The following PPP1R12A variants were observed in gnomAD, a reference collection of about 807,000 sequenced individuals.
The protein encoded by PPP1R12A is protein phosphatase 1 regulatory subunit 12A, also known as myosin binding subunit.
In PPP1R12A, 19 loss-of-function variants were observed where a neutral mutation model predicts 139.6. The ratio of observed to expected loss-of-function variants is 0.14; its 90% confidence interval spans 0.09 to 0.20. PPP1R12A has a LOEUF of 0.20. Ranked by LOEUF, PPP1R12A falls within the 10% of genes least tolerant of loss-of-function variation. The pLI, the probability that PPP1R12A is intolerant of heterozygous loss-of-function variation, is 1.00. For missense variants in PPP1R12A, 925 were observed against 1,211.5 expected (o/e 0.76, Z 3.51); for synonymous variants, 427 against 420.6 (o/e 1.02, Z -0.19).
chr12:79,933,330 T>G (rs1215834968), intron 1 of PPP1R12A, among the ~76,000 whole-genome samples: 12 of 152,294 alleles, frequency 7.9e-5, no homozygotes, highest in Non-Finnish European at 1.6e-4. Context: ...ACACAAAATT[T>G]AAAATGGTCA....
intron 14 of PPP1R12A, among the ~76,000 whole-genome samples, chr12:79,799,967 C>G (rs1357022992): frequency 6.6e-6 from 1 of 152,018 alleles, no homozygotes; most frequent in Non-Finnish European, 1.5e-5. Context: ...GAGATTGTAC[C>G]ACCCCGCAGC....
At chr12:79,934,228 G>A (rs959814172) in intron 1 of PPP1R12A, among the ~76,000 whole-genome samples, 1 of 152,158 alleles carries the variant, frequency 6.6e-6, no homozygotes, top group South Asian at 2.1e-4. Context: ...CCTAAAAAGT[G>A]CAACAAATCC....
chr12:79,776,042 GT>G, intron 24 of PPP1R12A, 27 bp from the exon 25 acceptor site: 2 of 1,316,818 alleles, frequency 1.5e-6, no homozygotes, highest in Non-Finnish European at 2.1e-6. Flanking sequence ...TGAAGATCAA[GT>G]TTTACCTTCA....
chr12:79,875,003 G>C (rs907004364), intron 1 of PPP1R12A, among the ~76,000 whole-genome samples: 3 of 152,046 alleles, frequency 2.0e-5, no homozygotes, highest in Admixed American at 1.3e-4. Flanking sequence ...CTTCAGGAAG[G>C]CCCTCCTAGT....
In PPP1R12A at chr12:79,828,433, T is replaced by C; in HGVS notation, c.679A>G (p.Ile227Val). ...LLIQAGYDVN[I>V]KDYDGWTPLH... ...GGTGTCCAGCCATCATAGTCTTTAA[T>C]ATTAACATCATAGCCTGCCTGTATT... Residue 227 changes from isoleucine (I) to valine (V), a missense_variant, in exon 5 of 25, where the codon ATT (isoleucine) becomes GTT (valine). By Grantham distance (29) the Ile-to-Val change is conservative. Around this residue, in one of 4 missense-constraint regions of PPP1R12A, gnomAD observed 199 missense variants for 352.4 expected, o/e 0.56. Transcript: ENST00000450142. 1 of 1,609,236 alleles carries C rather than the reference T, an allele frequency of 6.2e-7. No individual in the cohort carries two copies. Among genetic ancestry groups the C allele is most frequent in the Non-Finnish European group, 8.5e-7 (1 of 1,176,478 alleles).
At chr12:79,847,464 G>A (rs910982960) in intron 2 of PPP1R12A, among the ~76,000 whole-genome samples, 1 of 152,074 alleles carries the variant, frequency 6.6e-6, no homozygotes, top group African/African-American at 2.4e-5. Context: ...AAAATATTTA[G>A]ATATATTTAC....
intron 14 of PPP1R12A, among the ~76,000 whole-genome samples, chr12:79,803,836 C>T (rs1029299446): frequency 2.6e-5 from 4 of 152,040 alleles, no homozygotes; most frequent in Non-Finnish European, 5.9e-5. Context: ...TTTCAATCTT[C>T]AATGTCTTCC....
chr12:79,870,243 C>T (rs981147310), intron 2 of PPP1R12A, among the ~76,000 whole-genome samples: 2 of 152,094 alleles, frequency 1.3e-5, no homozygotes, highest in African/African-American at 4.8e-5. Flanking sequence ...CTGCCTTAGC[C>T]TCCAGAGTAG....
chr12:79,860,928 T>G (rs1351604894), intron 2 of PPP1R12A, among the ~76,000 whole-genome samples: 1 of 152,164 alleles, frequency 6.6e-6, no homozygotes, highest in Non-Finnish European at 1.5e-5. Context: ...TGAAGCAAAT[T>G]AGTAATTACG....
intron 1 of PPP1R12A, among the ~76,000 whole-genome samples, chr12:79,925,839 T>G (rs939479104): frequency 6.6e-6 from 1 of 152,176 alleles, no homozygotes; most frequent in Admixed American, 6.5e-5. Context: ...AAAAATGTTA[T>G]TTGGAAAAAA....
chr12:79,885,021 GAACA>G (rs1000343685), intron 1 of PPP1R12A, among the ~76,000 whole-genome samples: 1 of 152,028 alleles, frequency 6.6e-6, no homozygotes, highest in Admixed American at 6.6e-5. Flanking sequence ...TCCTAAAATA[GAACA>G]AGTATGTTTA....
At chr12:79,791,844 G>T (rs1871911972) in intron 19 of PPP1R12A, among the ~76,000 whole-genome samples, 1 of 152,052 alleles carries the variant, frequency 6.6e-6, no homozygotes, top group Non-Finnish European at 1.5e-5. Flanking sequence ...GGCAACAAAG[G>T]TTCTACTTTC....
At chr12:79,921,920 T>C in intron 1 of PPP1R12A, among the ~76,000 whole-genome samples, 1 of 152,184 alleles carries the variant, frequency 6.6e-6, no homozygotes, top group South Asian at 2.1e-4. Context: ...AATTTTATTC[T>C]CACAAACACA....
At chr12:79,806,677 G>A (rs894983759) in intron 12 of PPP1R12A, 7 of 190,432 alleles carry the variant, frequency 3.7e-5, no homozygotes, top group East Asian at 1.4e-4. Flanking sequence ...AAAACAAGAC[G>A]TTGACATTTT....
At chr12:79,878,231 C>A (rs1330968332) in intron 1 of PPP1R12A, 1 of 151,630 alleles carries the variant, frequency 6.6e-6, no homozygotes, top group Non-Finnish European at 1.5e-5. Flanking sequence ...AACAGGCTAC[C>A]ATTTGAGACT....
chr12:79,901,974 A>G (rs1189386388), intron 1 of PPP1R12A, among the ~76,000 whole-genome samples: 6 of 152,234 alleles, frequency 3.9e-5, no homozygotes, highest in Non-Finnish European at 1.5e-5. Context: ...AAGGGAAAAT[A>G]TAAGAGCTGG....
chr12:79,785,807 CTA>C (rs1282302813), intron 22 of PPP1R12A, among the ~76,000 whole-genome samples: 2 of 152,136 alleles, frequency 1.3e-5, no homozygotes, highest in South Asian at 4.1e-4. Flanking sequence ...TCTCCCAGAA[CTA>C]ATGTTCCATG....
intron 1 of PPP1R12A, among the ~76,000 whole-genome samples, chr12:79,889,857 C>T (rs1330386095): frequency 6.6e-6 from 1 of 152,108 alleles, no homozygotes; most frequent in South Asian, 2.1e-4. Context: ...TGAAGGTCTG[C>T]GTCCTGACTC....
At chr12:79,899,965 T>C (rs1279679603) in intron 1 of PPP1R12A, among the ~76,000 whole-genome samples, 3 of 152,196 alleles carry the variant, frequency 2.0e-5, no homozygotes, top group Admixed American at 6.5e-5. Context: ...GTACCATTCA[T>C]GTTATTTTGC....
Sources: gnomAD v4.1 joint callset for allele counts (sites outside exome capture counted in the v4.1 genomes callset) on GRCh38, gnomAD v4.1.1 for gene constraint, gnomAD v4.1.1 regional missense constraint, MANE v1.5 for transcripts, NCBI Gene and HGNC (gene_info 2026-07-23, HGNC 2026-07-21) for gene names.